XNDC1N: variants seen among roughly 807,000 people sequenced by gnomAD.
XNDC1N encodes protein XNDC1N.
At chr11:71,879,189 A>G in the XNDC1N span, among the ~76,000 whole-genome samples, 1 of 152,198 alleles carries the variant, frequency 6.6e-6, no homozygotes, top group Non-Finnish European at 1.5e-5. Context: ...GGATAAATTC[A>G]CCACTGATCC....
chr11:71,903,570 C>T, the XNDC1N span: 1 of 669,774 alleles, frequency 1.5e-6, no homozygotes, highest in Non-Finnish European at 2.7e-6. Flanking sequence ...TTGTAGCCAT[C>T]TGTCACCCTC....
the XNDC1N span, among the ~76,000 whole-genome samples, chr11:71,887,318 G>T: frequency 2.0e-5 from 3 of 152,192 alleles, no homozygotes; most frequent in Non-Finnish European, 4.4e-5. Flanking sequence ...CATCAGTTTT[G>T]GTACATGCCT....
chr11:71,910,851 G>A, the XNDC1N span, among the ~76,000 whole-genome samples: 1 of 152,162 alleles, frequency 6.6e-6, no homozygotes, highest in Non-Finnish European at 1.5e-5. Flanking sequence ...CTTTCTATGA[G>A]GTCACCAAGG....
the XNDC1N span, among the ~76,000 whole-genome samples, chr11:71,878,679 C>G: frequency 6.6e-6 from 1 of 152,148 alleles, no homozygotes; most frequent in Non-Finnish European, 1.5e-5. Context: ...AGGTGGTTCA[C>G]TGCAGTGATT....
chr11:71,877,444 C>G, the XNDC1N span, among the ~76,000 whole-genome samples: 1 of 152,210 alleles, frequency 6.6e-6, no homozygotes, highest in African/African-American at 2.4e-5. Context: ...TCGAGACCAG[C>G]CTGGCCAACA....
the XNDC1N span, among the ~76,000 whole-genome samples, chr11:71,899,784 C>T: frequency 2.0e-5 from 3 of 152,174 alleles, no homozygotes; most frequent in Non-Finnish European, 2.9e-5. Context: ...ACCTGACCGT[C>T]GCCGAGCCCG....
the XNDC1N span, among the ~76,000 whole-genome samples, chr11:71,890,081 G>A: frequency 9.9e-5 from 15 of 152,038 alleles, no homozygotes; most frequent in African/African-American, 2.9e-4. Flanking sequence ...TGGATGAATC[G>A]GACTATCAAA....
the XNDC1N span, among the ~76,000 whole-genome samples, chr11:71,921,800 A>G: frequency 6.6e-6 from 1 of 152,146 alleles, no homozygotes; most frequent in African/African-American, 2.4e-5. Flanking sequence ...GTGGATCTCT[A>G]AAGAGTACAG....
chr11:71,892,996 G>A, the XNDC1N span, among the ~76,000 whole-genome samples: 2 of 152,130 alleles, frequency 1.3e-5, no homozygotes, highest in South Asian at 4.1e-4. Context: ...CAGATAATGG[G>A]GTCCTAGCTC....
the XNDC1N span, among the ~76,000 whole-genome samples, chr11:71,867,103 T>C: frequency 6.6e-6 from 1 of 152,118 alleles, no homozygotes; most frequent in Non-Finnish European, 1.5e-5. Flanking sequence ...TGATAGACTG[T>C]GATGGGTTAA....
chr11:71,910,988 T>A, the XNDC1N span, among the ~76,000 whole-genome samples: 1 of 152,228 alleles, frequency 6.6e-6, no homozygotes, highest in Admixed American at 6.5e-5. Flanking sequence ...TTCCATCGTA[T>A]GTAACAGAGA....
At chr11:71,893,071 A>G in the XNDC1N span, among the ~76,000 whole-genome samples, 1 of 152,200 alleles carries the variant, frequency 6.6e-6, no homozygotes, top group Non-Finnish European at 1.5e-5. Flanking sequence ...AATAAAGTAG[A>G]GTGTATTTCA....
At chr11:71,916,158 G>C in the XNDC1N span, 1 of 703,016 alleles carries the variant, frequency 1.4e-6, no homozygotes, top group Non-Finnish European at 2.6e-6. Context: ...CCCGTAGAAA[G>C]GCCAGGCCAA....
At chr11:71,909,997 C>T in the XNDC1N span, among the ~76,000 whole-genome samples, 6 of 152,118 alleles carry the variant, frequency 3.9e-5, no homozygotes, top group East Asian at 1.9e-4. Context: ...GCCAAGAGTA[C>T]GGGCAGAAGA....
At chr11:71,895,064 G>C in the XNDC1N span, among the ~76,000 whole-genome samples, 1 of 151,874 alleles carries the variant, frequency 6.6e-6, no homozygotes, top group African/African-American at 2.4e-5. Flanking sequence ...ATGAGGCCTG[G>C]GTCTCAATAC....
At chr11:71,901,351 C>A in the XNDC1N span, among the ~76,000 whole-genome samples, 1 of 152,138 alleles carries the variant, frequency 6.6e-6, no homozygotes, top group Non-Finnish European at 1.5e-5. Flanking sequence ...GTAATCCCAG[C>A]CCTTTGGGAG....
At chr11:71,893,386 G>T in the XNDC1N span, 3 of 675,106 alleles carry the variant, frequency 4.4e-6, no homozygotes, top group Admixed American at 4.2e-5. Context: ...CTTGTGAATT[G>T]CTTGCATCCA....
At chr11:71,885,390 G>T in the XNDC1N span, among the ~76,000 whole-genome samples, 1 of 152,124 alleles carries the variant, frequency 6.6e-6, no homozygotes, top group Non-Finnish European at 1.5e-5. Flanking sequence ...GCTTTGGAAT[G>T]TTATTAAGGA....
At chr11:71,918,248 A>G in the XNDC1N span, among the ~76,000 whole-genome samples, 1 of 152,100 alleles carries the variant, frequency 6.6e-6, no homozygotes, top group African/African-American at 2.4e-5. Context: ...CCTGACACAG[A>G]TATTTACAGG....
Sources: allele counts gnomAD v4.1 joint callset (sites outside exome capture counted in the v4.1 genomes callset), GRCh38; gene constraint gnomAD v4.1.1; transcripts MANE v1.5; gene names NCBI Gene and HGNC (gene_info 2026-07-23, HGNC 2026-07-21).